Variants in PACS1 observed in about 807,000 individuals in gnomAD.
The protein encoded by PACS1 is phosphofurin acidic cluster sorting protein 1.
Under a neutral mutation model 115.0 loss-of-function variants are expected in PACS1, and 24 were observed. That is an observed-to-expected ratio of 0.21 (90% CI 0.15 to 0.29). The LOEUF (loss-of-function observed/expected upper bound fraction) is 0.29. Ranked by LOEUF, PACS1 falls within the 10% of genes least tolerant of loss-of-function variation. The probability of loss-of-function intolerance (pLI) is 1.00; values close to 1 mark genes in which losing one functional copy is unlikely to be tolerated. For synonymous variants in PACS1, 453 were observed against 504.5 expected (o/e 0.90, Z 1.37); for missense variants, 838 against 1,251.2 (o/e 0.67, Z 4.98).
At chr11:66,208,671 A>G (rs1162859971) in intron 2 of PACS1, among the ~76,000 whole-genome samples, 2 of 143,350 alleles carry the variant, frequency 1.4e-5, no homozygotes, top group African/African-American at 2.7e-5. Context: ...AAAAAAAAAA[A>G]AAGAAGAAGA....
intron 2 of PACS1, among the ~76,000 whole-genome samples, chr11:66,206,149 AAATAAT>A (rs912083096): frequency 1.3e-5 from 2 of 152,192 alleles, no homozygotes; most frequent in Non-Finnish European, 2.9e-5. Flanking sequence ...CTCTGTCTCA[AAATAAT>A]AATAATAAAA....
intron 1 of PACS1, among the ~76,000 whole-genome samples, chr11:66,162,411 C>G (rs959483295): frequency 6.6e-6 from 1 of 152,136 alleles, no homozygotes; most frequent in Non-Finnish European, 1.5e-5. Context: ...CCTGAGCCAC[C>G]GCGCCTGGCC....
At chr11:66,226,027 G>T (rs1465572610) in intron 10 of PACS1, among the ~76,000 whole-genome samples, 1 of 152,094 alleles carries the variant, frequency 6.6e-6, no homozygotes, top group Non-Finnish European at 1.5e-5. Flanking sequence ...CAAAAATTAG[G>T]CAGGCATGGT....
At chr11:66,142,191 ATTATG>A in intron 1 of PACS1, among the ~76,000 whole-genome samples, 1 of 152,078 alleles carries the variant, frequency 6.6e-6, no homozygotes, top group Admixed American at 6.5e-5. Flanking sequence ...GAGTGCTGGG[ATTATG>A]GACATTGTTC....
chr11:66,137,323 G>A (rs1412783490), intron 1 of PACS1, among the ~76,000 whole-genome samples: 1 of 152,098 alleles, frequency 6.6e-6, no homozygotes, highest in African/African-American at 2.4e-5. Flanking sequence ...AAGATAAGAT[G>A]TGAGGTAGGG....
intron 1 of PACS1, among the ~76,000 whole-genome samples, chr11:66,175,298 T>G (rs1484054143): frequency 2.0e-5 from 3 of 152,226 alleles, no homozygotes; most frequent in Non-Finnish European, 4.4e-5. Context: ...CTTTTAAGTC[T>G]TCTTTGTCTT....
chr11:66,103,100 G>A (rs1565107337), intron 1 of PACS1, among the ~76,000 whole-genome samples: 1 of 152,166 alleles, frequency 6.6e-6, no homozygotes, highest in Non-Finnish European at 1.5e-5. Flanking sequence ...GAAAGTGCTG[G>A]GATTACAGGC....
intron 1 of PACS1, among the ~76,000 whole-genome samples, chr11:66,168,181 C>G (rs1352625859): frequency 6.7e-6 from 1 of 150,204 alleles, no homozygotes; most frequent in African/African-American, 2.5e-5. Flanking sequence ...GGATGACAGG[C>G]ATGAGCCACC....
Position 66,070,937 on chromosome 11 carries a change from C to T in PACS1, c.356+95C>T, listed in dbSNP as rs1857298364. The T allele has an allele frequency of 2.4e-6, 3 of 1,224,952 alleles. No individual in the cohort carries two copies. Among genetic ancestry groups the T allele is most frequent in the African/African-American group, 1.6e-5 (1 of 62,554 alleles). 75.9% of individuals were successfully genotyped at this position (1,224,952 alleles called of 1,614,324 possible). ...CCAGCGCCCATGGGGTCCCCGCCCT[C>T]CATCTCCCCGACTGTCCCGCGGCCC... On this transcript the variant is annotated intron_variant, in intron 1 of 23. Transcript: ENST00000320580. The surrounding 1 kb of genome is among the most constrained non-coding windows in gnomAD (Gnocchi z 5.9).
In PACS1 at chr11:66,238,259, ACT is replaced by A. The variant is rs1180128788; in HGVS notation, c.2251-541_2251-540del. ...CCTTAGCACGTCCACTTGGCTTTAG[ACT>A]CTCCCACCTGGCAGAGACAGAGCCA... On this transcript the variant is annotated intron_variant, in intron 19 of 23. Coordinates refer to ENST00000320580, the MANE Select transcript of PACS1 (RefSeq NM_018026.4). 5 of 984,718 alleles carry A rather than the reference ACT, an allele frequency of 5.1e-6. No individual in the cohort carries two copies. In the Admixed American group the frequency reaches 1.8e-4, roughly 36 times the overall value. The allele number at this position is 984,718 out of a possible 1,614,324, so 61.0% of individuals were successfully genotyped here.
chr11:66,193,017 C>T (rs1405183936), intron 1 of PACS1, among the ~76,000 whole-genome samples: 1 of 152,198 alleles, frequency 6.6e-6, no homozygotes, highest in Non-Finnish European at 1.5e-5. Flanking sequence ...GTACATCTGT[C>T]AGGTGTGATC....
At chr11:66,129,861 A>C (rs760954960) in intron 1 of PACS1, among the ~76,000 whole-genome samples, 1 of 152,176 alleles carries the variant, frequency 6.6e-6, no homozygotes, top group South Asian at 2.1e-4. Context: ...AAGGACATGC[A>C]TTTTTATGCT....
In PACS1 at chr11:66,236,329, G is replaced by A. The variant is rs190133278; in HGVS notation, c.2250+389G>A. On this transcript the variant is annotated intron_variant, in intron 19 of 23. Transcript: ENST00000320580. The surrounding 1 kb of genome is among the most constrained non-coding windows in gnomAD (Gnocchi z 4.2). ...CTGATGTCTCCTGTTTATTACACCAGGCCCTGACCTCGCTGCCTTCACCCG... is the reference window on the plus strand; with the variant it reads ...CTGATGTCTCCTGTTTATTACACCAAGCCCTGACCTCGCTGCCTTCACCCG... 2.0e-5 allele frequency among the ~76,000 whole-genome samples: 3 copies of A among 152,302 alleles called. No homozygotes were observed. The highest frequency in any genetic ancestry group is 7.2e-5 in the African/African-American group (3 of 41,572).
Position 66,070,522 on chromosome 11 carries a change from A to C in PACS1, c.36A>C (p.Gly12=). The change falls in exon 1 of 24, where the codon GGA becomes GGC. Residue 12 remains glycine, a synonymous_variant. Coordinates refer to ENST00000320580, the MANE Select transcript of PACS1 (RefSeq NM_018026.4). This position sits in a 1 kb window ranked among gnomAD's most constrained non-coding sequence, Gnocchi z 5.9. Reference sequence around the variant, plus strand: ...GCGGAGGGGCGGGCGGTGGTCCCGGAGGCGCCGGGGGCGGCAGCGGCCAGC... The same window carrying C: ...GCGGAGGGGCGGGCGGTGGTCCCGGCGGCGCCGGGGGCGGCAGCGGCCAGC... ...AERGGAGGGP[G]GAGGGSGQRG... 3 of 1,322,104 alleles carry C rather than the reference A, an allele frequency of 2.3e-6. No homozygotes were observed. The highest frequency in any genetic ancestry group is 2.9e-6 in the Non-Finnish European group (3 of 1,045,046). 81.9% of individuals were successfully genotyped at this position (1,322,104 alleles called of 1,614,324 possible).
intron 1 of PACS1, among the ~76,000 whole-genome samples, chr11:66,072,843 C>T (rs915606050): frequency 3.9e-5 from 6 of 152,208 alleles, no homozygotes; most frequent in Non-Finnish European, 8.8e-5. Context: ...GTTGAAAAGG[C>T]GCGAGCCTAC....
intron 1 of PACS1, among the ~76,000 whole-genome samples, chr11:66,112,252 C>T (rs896052159): frequency 2.0e-5 from 3 of 152,212 alleles, no homozygotes; most frequent in Non-Finnish European, 4.4e-5. Flanking sequence ...CCTCTGCCTG[C>T]TCTCCAGCCT....
At chr11:66,113,543 A>G (rs1858233221) in intron 1 of PACS1, among the ~76,000 whole-genome samples, 1 of 152,244 alleles carries the variant, frequency 6.6e-6, no homozygotes, top group Admixed American at 6.5e-5. Context: ...AAGGAAAAAA[A>G]ATGTTTGCAG....
intron 1 of PACS1, among the ~76,000 whole-genome samples, chr11:66,110,251 T>C (rs902409172): frequency 2.6e-5 from 4 of 152,110 alleles, no homozygotes; most frequent in African/African-American, 9.7e-5. Flanking sequence ...TCATGACCCT[T>C]TGATAAACTA....
At chr11:66,132,848 A>T (rs1858734817) in intron 1 of PACS1, among the ~76,000 whole-genome samples, 1 of 152,184 alleles carries the variant, frequency 6.6e-6, no homozygotes. Flanking sequence ...TTGTATTTTT[A>T]GTAGAGACGG....
Sources: allele counts gnomAD v4.1 joint callset (sites outside exome capture counted in the v4.1 genomes callset), GRCh38; gene constraint gnomAD v4.1.1; non-coding constraint Gnocchi (gnomAD v3.1); transcripts MANE v1.5; gene names NCBI Gene and HGNC (gene_info 2026-07-23, HGNC 2026-07-21).